LRRC8D: variants seen among roughly 807,000 people sequenced by gnomAD.
LRRC8D encodes volume-regulated anion channel subunit LRRC8D.
A neutral mutation model predicts 55.8 loss-of-function variants in LRRC8D; 20 were observed. The observed-to-expected ratio is 0.36, with a 90% CI of 0.25 to 0.52. LRRC8D has a LOEUF of 0.52. LRRC8D is among the 20% of genes least tolerant of loss of function. The probability of loss-of-function intolerance (pLI) is 0.93; values close to 1 mark genes in which losing one functional copy is unlikely to be tolerated. For synonymous variants in LRRC8D, 352 were observed against 377.0 expected, an observed-to-expected ratio of 0.93 and a Z score of 0.77; for missense variants, 651 against 1,030.8, an observed-to-expected ratio of 0.63 and a Z score of 5.05.
chr1:89,920,417 T>C (rs1663381282), intron 2 of LRRC8D, among the ~76,000 whole-genome samples: 1 of 152,216 alleles, frequency 6.6e-6, no homozygotes, highest in African/African-American at 2.4e-5. Flanking sequence ...ATGTGAAATC[T>C]GAGATTGATA....
At chr1:89,868,016 CA>C (rs1661896068) in intron 2 of LRRC8D, among the ~76,000 whole-genome samples, 1 of 152,084 alleles carries the variant, frequency 6.6e-6, no homozygotes, top group Admixed American at 6.5e-5. Context: ...TTTTCAGGAA[CA>C]TACTAAATGG....
chr1:89,935,782 G>A lies in LRRC8D; in HGVS notation c.*137G>A. On this transcript the variant is annotated 3_prime_UTR_variant, in exon 3 of 3. Coordinates refer to ENST00000337338, the MANE Select transcript of LRRC8D (RefSeq NM_001134479.2). ...ATAAAACAGAGAGGATGCATAGAAG[G>A]CTGATAGAAGACATAACTGAATGTT... 1 of 695,196 alleles carries A rather than the reference G, an allele frequency of 1.4e-6. No individual in the cohort carries two copies. Among genetic ancestry groups the A allele is most frequent in the South Asian group, 2.1e-5 (1 of 48,548 alleles). 43.1% of individuals were successfully genotyped at this position (695,196 alleles called of 1,614,324 possible).
chr1:89,912,983 C>T (rs1030387832), intron 2 of LRRC8D, among the ~76,000 whole-genome samples: 29 of 152,276 alleles, frequency 1.9e-4, no homozygotes, highest in African/African-American at 6.3e-4. Context: ...TGTTTATTTC[C>T]TCCTTACAGA....
intron 2 of LRRC8D, among the ~76,000 whole-genome samples, chr1:89,857,027 C>T (rs1427162314): frequency 6.6e-6 from 1 of 151,820 alleles, no homozygotes; most frequent in African/African-American, 2.4e-5. Context: ...AAAAAAATAC[C>T]CCAAAACATA....
At chr1:89,846,402 T>A (rs1557447701) in intron 2 of LRRC8D, among the ~76,000 whole-genome samples, 1 of 152,014 alleles carries the variant, frequency 6.6e-6, no homozygotes. Context: ...TTTTCTCCAG[T>A]TTATGGAGAG....
At chr1:89,830,941 T>G (rs927813326) in intron 1 of LRRC8D, among the ~76,000 whole-genome samples, 1 of 149,274 alleles carries the variant, frequency 6.7e-6, no homozygotes, top group Non-Finnish European at 1.5e-5. Context: ...AGTCTCACTC[T>G]GTGGCCCAGG....
chr1:89,856,998 GATTT>G (rs1330737200), intron 2 of LRRC8D, among the ~76,000 whole-genome samples: 2 of 151,998 alleles, frequency 1.3e-5, no homozygotes, highest in African/African-American at 4.8e-5. Context: ...GTTTATAATT[GATTT>G]TAGTTTCTTA....
At chr1:89,918,422 T>C (rs1663329152) in intron 2 of LRRC8D, among the ~76,000 whole-genome samples, 1 of 152,216 alleles carries the variant, frequency 6.6e-6, no homozygotes, top group East Asian at 1.9e-4. Flanking sequence ...TCTGCCTCCA[T>C]GGTCCATGCA....
chr1:89,843,614 T>A (rs1361795282), intron 1 of LRRC8D, 24 bp from the exon 2 acceptor site: 4 of 701,470 alleles, frequency 5.7e-6, no homozygotes, highest in Non-Finnish European at 1.0e-5. Flanking sequence ...TCTAGCTCTT[T>A]CTCTCCCCTG....
rs1314019336 is a variant in LRRC8D, at chr1:89,843,668, G to C, written c.-117G>C. ...GCACGGCTGTCTATAACGTGCTGCC[G>C]GGTCTCAGGATGGAGGAGTGAAGTC... is the stretch of plus-strand genomic sequence containing the variant. On this transcript the variant is annotated 5_prime_UTR_variant, in exon 2 of 3. Coordinates refer to ENST00000337338, the MANE Select transcript of LRRC8D (RefSeq NM_001134479.2). 1 of 702,222 alleles carries C rather than the reference G, an allele frequency of 1.4e-6. No homozygotes were observed. The highest frequency in any genetic ancestry group is 2.6e-6 in the Non-Finnish European group (1 of 384,870). The allele number at this position is 702,222 out of a possible 1,614,324, so 43.5% of individuals were successfully genotyped here. A position where few individuals can be genotyped will look rare whatever the true frequency, so the allele number is the denominator to read the frequency against.
intron 1 of LRRC8D, among the ~76,000 whole-genome samples, chr1:89,834,134 G>T (rs184332743): frequency 1.3e-5 from 2 of 152,152 alleles, no homozygotes; most frequent in Non-Finnish European, 2.9e-5. Context: ...AATAGAATAG[G>T]AATAGAAATA....
intron 1 of LRRC8D, among the ~76,000 whole-genome samples, chr1:89,838,369 T>C (rs1282818805): frequency 6.6e-6 from 1 of 151,932 alleles, no homozygotes; most frequent in Non-Finnish European, 1.5e-5. Flanking sequence ...AGTGAGACTC[T>C]GTCTCAAAAA....
intron 1 of LRRC8D, among the ~76,000 whole-genome samples, chr1:89,830,391 CTT>C (rs1478113802): frequency 5.3e-5 from 8 of 152,194 alleles, no homozygotes; most frequent in African/African-American, 1.7e-4. Context: ...ACTTAGCTCT[CTT>C]AAGATATTTT....
At position 89,843,785 on chromosome 1, in the gene LRRC8D, G is replaced by C; in HGVS notation, c.-3+3G>C. On this transcript the variant is annotated splice_donor_region_variant and intron_variant, in intron 2 of 2. Coordinates refer to ENST00000337338, the MANE Select transcript of LRRC8D (RefSeq NM_001134479.2). ...AACAGGGTGGCCGCTTGGTCCAGGT[G>C]CGCGGGGTCGGGTCTGGGTCCAGGG... 1 of 677,326 alleles carries C rather than the reference G, an allele frequency of 1.5e-6. No homozygotes were observed. Among genetic ancestry groups the C allele is most frequent in the Non-Finnish European group, 2.7e-6 (1 of 370,616 alleles). The allele number at this position is 677,326 out of a possible 1,614,324, so 42.0% of individuals were successfully genotyped here. A position where few individuals can be genotyped will look rare whatever the true frequency, so the allele number is the denominator to read the frequency against.
In LRRC8D at chr1:89,874,493, A is replaced by G. The variant is rs548335064; in HGVS notation, c.-3+30711A>G. 3.3e-5 allele frequency among the ~76,000 whole-genome samples: 5 copies of G among 151,056 alleles called. No individual in the cohort carries two copies. In the South Asian group the frequency reaches 1.0e-3, roughly 32 times the overall value. On this transcript the variant is annotated intron_variant, in intron 2 of 2. Transcript: ENST00000337338. ...TGTGTGTGTGTGTGGTAAGTGGGGC[A>G]TAATATTTGGATTCATTATGTCAGG...
chr1:89,932,618 A>G, intron 2 of LRRC8D, among the ~76,000 whole-genome samples: 1 of 152,256 alleles, frequency 6.6e-6, no homozygotes, highest in Middle Eastern at 3.2e-3. Context: ...AGTAAGTGTT[A>G]GAACTAAGTC....
chr1:89,901,858 G>A (rs1035828437), intron 2 of LRRC8D, among the ~76,000 whole-genome samples: 4 of 152,132 alleles, frequency 2.6e-5, no homozygotes, highest in Admixed American at 2.0e-4. Flanking sequence ...GCAGTACGTC[G>A]TGCCTCTGAA....
At chr1:89,884,508 G>A (rs1319616483) in intron 2 of LRRC8D, among the ~76,000 whole-genome samples, 3 of 152,206 alleles carry the variant, frequency 2.0e-5, no homozygotes, top group Non-Finnish European at 4.4e-5. Context: ...CATTTATTTA[G>A]GTAAGGATTT....
At chr1:89,847,486 G>A (rs112303275) in intron 2 of LRRC8D, among the ~76,000 whole-genome samples, 4,367 of 152,196 alleles carry the variant, frequency 0.029, 200 homozygotes, top group African/African-American at 0.098. Context: ...AGTTGCAGTG[G>A]CTTGTGAACC....
Sources: gnomAD v4.1 joint callset for allele counts (sites outside exome capture counted in the v4.1 genomes callset) on GRCh38, gnomAD v4.1.1 for gene constraint, MANE v1.5 for transcripts, NCBI Gene and HGNC (gene_info 2026-07-23, HGNC 2026-07-21) for gene names.